MGAT4C: variants seen among roughly 807,000 people sequenced by gnomAD.
The protein encoded by MGAT4C is alpha-1,3-mannosyl-glycoprotein 4-beta-N-acetylglucosaminyltransferase C.
MGAT4C carries 19 observed loss-of-function variants against 40.1 expected under a neutral mutation model. That is an observed-to-expected ratio of 0.47 (90% CI 0.33 to 0.70). MGAT4C has a LOEUF of 0.70. Among genes scored for constraint, MGAT4C ranks in the 30% least tolerant of loss-of-function variants. MGAT4C has a pLI of 0.02. For synonymous variants in MGAT4C, 181 were observed against 187.1 expected, an observed-to-expected ratio of 0.97 and a Z score of 0.27; for missense variants, 491 against 563.2, an observed-to-expected ratio of 0.87 and a Z score of 1.30.
At chr12:86,420,541 T>A (rs1956800380) in intron 3 of MGAT4C, among the ~76,000 whole-genome samples, 1 of 152,014 alleles carries the variant, frequency 6.6e-6, no homozygotes, top group African/African-American at 2.4e-5. Flanking sequence ...TAATATGAAG[T>A]CATTGCTGAG....
intron 3 of MGAT4C, among the ~76,000 whole-genome samples, chr12:86,339,367 G>A (rs1036154414): frequency 2.2e-4 from 33 of 152,046 alleles, no homozygotes; most frequent in Admixed American, 2.1e-3. Flanking sequence ...AAACTATGTC[G>A]GCAAGGTAGA....
chr12:85,989,531 G>A lies in MGAT4C; in HGVS notation c.16C>T (p.Gln6Ter). The A allele has an allele frequency of 1.2e-6, 2 of 1,603,666 alleles. No individual in the cohort carries two copies. Among genetic ancestry groups the A allele is most frequent in the South Asian group, 1.1e-5 (1 of 88,770 alleles). MFKFH[Q>*]MKHIFEILDK... is the part of the protein sequence containing the mutation. ...AGTATTTCAAAAATATGTTTCATTT[G>A]ATGAAATTTAAACATTCTCTTCTGT... The change falls in exon 3 of 5, where the codon CAA becomes TAA. Residue 6 changes from glutamine to a stop codon, truncating the protein, a stop_gained. Transcript: ENST00000611864. LOFTEE classifies it high-confidence loss of function.
intron 2 of MGAT4C, among the ~76,000 whole-genome samples, chr12:86,613,554 T>C (rs1444389323): frequency 6.6e-6 from 1 of 152,156 alleles, no homozygotes; most frequent in Non-Finnish European, 1.5e-5. Flanking sequence ...AATTACATTG[T>C]TATTTCACAG....
intron 1 of MGAT4C, among the ~76,000 whole-genome samples, chr12:86,066,840 CA>C (rs772378773): frequency 6.6e-6 from 1 of 151,878 alleles, no homozygotes; most frequent in Non-Finnish European, 1.5e-5. Context: ...CCAGAATCAA[CA>C]AAGAACTTCA....
chr12:86,121,756 A>G (rs1879410578), intron 1 of MGAT4C, among the ~76,000 whole-genome samples: 1 of 152,228 alleles, frequency 6.6e-6, no homozygotes, highest in Non-Finnish European at 1.5e-5. Context: ...AGCACTAAAC[A>G]TGGAAAGGAA....
chr12:86,576,127 C>T (rs1164907857), intron 2 of MGAT4C, among the ~76,000 whole-genome samples: 2 of 151,614 alleles, frequency 1.3e-5, no homozygotes, highest in African/African-American at 4.8e-5. Context: ...TTTTATGTTT[C>T]CTTTTGAGAA....
In MGAT4C at chr12:86,721,777, G is replaced by A. The variant is rs1258713370; in HGVS notation, c.-229+5432C>T. Among the ~76,000 whole-genome samples, 8 of 151,992 alleles carry A rather than the reference G, an allele frequency of 5.3e-5. No homozygotes were observed. In the South Asian group the frequency reaches 1.7e-3, roughly 32 times the overall value. ...CGTAAGATTGAACAAAAAAACACAC[G>A]CAGTTTGCCAGAGGGTCCAAGCTGG... On this transcript the variant is annotated intron_variant, in intron 2 of 7. Transcript: ENST00000548651.
intron 2 of MGAT4C, among the ~76,000 whole-genome samples, chr12:86,587,912 C>A (rs1961136014): frequency 6.6e-6 from 1 of 151,836 alleles, no homozygotes; most frequent in African/African-American, 2.4e-5. Context: ...AATTTGACTT[C>A]CTCTTTTCCT....
chr12:86,362,934 AG>A (rs1955514129), intron 3 of MGAT4C, among the ~76,000 whole-genome samples: 1 of 152,034 alleles, frequency 6.6e-6, no homozygotes, highest in South Asian at 2.1e-4. Flanking sequence ...TTTCAGCATA[AG>A]GAAAATTACC....
At chr12:86,320,791 T>C (rs1954366090) in intron 4 of MGAT4C, among the ~76,000 whole-genome samples, 1 of 152,158 alleles carries the variant, frequency 6.6e-6, no homozygotes, top group Admixed American at 6.5e-5. Flanking sequence ...ATGAATCCCT[T>C]ACTAATAGCC....
intron 3 of MGAT4C, among the ~76,000 whole-genome samples, chr12:86,357,012 T>C (rs1280144905): frequency 1.3e-5 from 2 of 152,110 alleles, no homozygotes; most frequent in Non-Finnish European, 2.9e-5. Context: ...TGAGAATGGA[T>C]AGACTGCCTC....
intron 1 of MGAT4C, among the ~76,000 whole-genome samples, chr12:86,741,986 TTAACTTG>T (rs2136131091): frequency 6.6e-6 from 1 of 151,616 alleles, no homozygotes; most frequent in Admixed American, 6.6e-5. Context: ...TTATGTACCT[TTAACTTG>T]TAAGGCTTAT....
chr12:86,070,504 C>T (rs986691138), intron 1 of MGAT4C, among the ~76,000 whole-genome samples: 2 of 152,016 alleles, frequency 1.3e-5, no homozygotes, highest in Non-Finnish European at 2.9e-5. Context: ...AGATATTCAG[C>T]AGCAAATATT....
chr12:86,739,469 C>T (rs1951032892), intron 1 of MGAT4C, among the ~76,000 whole-genome samples: 1 of 150,614 alleles, frequency 6.6e-6, no homozygotes, highest in African/African-American at 2.4e-5. Flanking sequence ...TACAGTTAGC[C>T]CTCCATATAC....
At chr12:86,665,638 G>T (rs952389291) in intron 2 of MGAT4C, among the ~76,000 whole-genome samples, 1 of 151,966 alleles carries the variant, frequency 6.6e-6, no homozygotes, top group East Asian at 1.9e-4. Flanking sequence ...CCCAAAGTAC[G>T]GGGATTACAG....
intron 1 of MGAT4C, among the ~76,000 whole-genome samples, chr12:86,212,925 C>A (rs1295832808): frequency 0.013 from 1,112 of 85,330 alleles, 69 homozygotes; most frequent in Non-Finnish European, 0.016. Context: ...AAAAAAAGAA[C>A]ACTCATTAAC....
At chr12:86,024,689 G>C (rs1009266971) in intron 2 of MGAT4C, among the ~76,000 whole-genome samples, 1 of 151,696 alleles carries the variant, frequency 6.6e-6, no homozygotes, top group African/African-American at 2.4e-5. Flanking sequence ...CGATAATTCA[G>C]ATAAAAGAAG....
chr12:86,620,150 G>T (rs1279752300), intron 2 of MGAT4C, among the ~76,000 whole-genome samples: 1 of 152,132 alleles, frequency 6.6e-6, no homozygotes, highest in Admixed American at 6.6e-5. Flanking sequence ...AAAACAGTAT[G>T]GAGATTTCTC....
At chr12:86,077,425 G>C (rs989081066) in intron 1 of MGAT4C, among the ~76,000 whole-genome samples, 1 of 152,124 alleles carries the variant, frequency 6.6e-6, no homozygotes, top group Non-Finnish European at 1.5e-5. Flanking sequence ...AAAAAGAAAG[G>C]AAATAAAACG....
Sources: gnomAD v4.1 joint callset for allele counts (sites outside exome capture counted in the v4.1 genomes callset) on GRCh38, gnomAD v4.1.1 for gene constraint, MANE v1.5 for transcripts, NCBI Gene and HGNC (gene_info 2026-07-23, HGNC 2026-07-21) for gene names.